Variants in CDH10 observed in about 807,000 individuals in gnomAD.
The protein encoded by CDH10 is cadherin 10.
In CDH10, 30 loss-of-function variants were observed where a neutral mutation model predicts 73.1. The observed-to-expected ratio is 0.41, with a 90% CI of 0.31 to 0.56. CDH10 has a LOEUF of 0.56. Ranked by LOEUF, CDH10 falls within the 20% of genes least tolerant of loss-of-function variation. The pLI is 0.27. For synonymous variants in CDH10, 345 were observed against 348.2 expected (o/e 0.99, Z 0.10); for missense variants, 815 against 973.7 (o/e 0.84, Z 2.17).
rs141037926 is a variant in CDH10, at chr5:24,544,425, C to A, written c.232-6751G>T. On this transcript the variant is annotated intron_variant, in intron 2 of 11. Coordinates refer to ENST00000264463, the MANE Select transcript of CDH10 (RefSeq NM_006727.5). ...AAGTACTTTTCTGAATAATTTCTTTCGGGGACCAGAGGCAAGTTTTGAAGA... is the reference window on the plus strand; with the variant it reads ...AAGTACTTTTCTGAATAATTTCTTTAGGGGACCAGAGGCAAGTTTTGAAGA... 3.4e-4 allele frequency among the ~76,000 whole-genome samples: 52 copies of A among 152,248 alleles called. 1 individual carries two copies. In the East Asian group the frequency reaches 9.7e-3, roughly 28 times the overall value.
intron 11 of CDH10, among the ~76,000 whole-genome samples, chr5:24,488,798 C>G (rs190654470): frequency 2.1e-5 from 3 of 140,362 alleles, no homozygotes; most frequent in South Asian, 2.5e-4. Flanking sequence ...GAGACCCCCC[C>G]CCCAAAAAAA....
intron 1 of CDH10, among the ~76,000 whole-genome samples, chr5:24,620,199 A>G (rs553152140): frequency 1.3e-5 from 2 of 152,330 alleles, no homozygotes; most frequent in South Asian, 4.1e-4. Context: ...TAAACACATC[A>G]ATAGTTTTTC....
intron 1 of CDH10, among the ~76,000 whole-genome samples, chr5:24,607,201 G>T (rs978027379): frequency 3.9e-5 from 6 of 152,052 alleles, no homozygotes; most frequent in African/African-American, 1.4e-4. Context: ...TCAGCACACG[G>T]GCTCATCAGA....
intron 1 of CDH10, among the ~76,000 whole-genome samples, chr5:24,640,992 C>T (rs1297913467): frequency 6.6e-6 from 1 of 151,902 alleles, no homozygotes; most frequent in Admixed American, 6.6e-5. Context: ...TATTTCAACT[C>T]ATCATTGTTA....
chr5:24,620,847 C>T (rs1747292762), intron 1 of CDH10, among the ~76,000 whole-genome samples: 1 of 152,070 alleles, frequency 6.6e-6, no homozygotes, highest in Admixed American at 6.6e-5. Context: ...TAAACAAATC[C>T]CATAAAGCAG....
chr5:24,523,207 A>C (rs929490215), intron 5 of CDH10, among the ~76,000 whole-genome samples: 1 of 152,138 alleles, frequency 6.6e-6, no homozygotes, highest in African/African-American at 2.4e-5. Context: ...GTATAAACAT[A>C]TCTCAACAAA....
At position 24,644,344 on chromosome 5, in the gene CDH10, C is replaced by T. The variant is rs76400535; in HGVS notation, c.-124+250G>A. ...AATTCACAAACTCTAATATCATGACCCACTGTTGAGCATAATATATAATTT... is the reference window on the plus strand; with the variant it reads ...AATTCACAAACTCTAATATCATGACTCACTGTTGAGCATAATATATAATTT... On this transcript the variant is annotated intron_variant, in intron 1 of 11. Transcript: ENST00000264463. Among the ~76,000 whole-genome samples, 1,338 of 152,096 alleles carry T rather than the reference C, an allele frequency of 8.8e-3. 23 individuals are homozygous for T. Among genetic ancestry groups the T allele is most frequent in the African/African-American group, 0.031 (1,267 of 41,476 alleles).
At chr5:24,602,610 C>T (rs1746605966) in intron 1 of CDH10, among the ~76,000 whole-genome samples, 1 of 152,060 alleles carries the variant, frequency 6.6e-6, no homozygotes, top group Admixed American at 6.6e-5. Context: ...TGTATTATTG[C>T]ATTGCATTGC....
rs958253529 is a variant in CDH10, at chr5:24,571,932, C to T, written c.231+21328G>A. On this transcript the variant is annotated intron_variant, in intron 2 of 11. Transcript: ENST00000264463. ...ATGAGCCAGCTCCAGCACACCACACCATTGCTATGTATGTTTTACAAATGA... is the reference window on the plus strand; with the variant it reads ...ATGAGCCAGCTCCAGCACACCACACTATTGCTATGTATGTTTTACAAATGA... Among the ~76,000 whole-genome samples, 4 of 151,628 alleles carry T rather than the reference C, an allele frequency of 2.6e-5. No homozygotes were observed. The East Asian group carries it at 7.8e-4, about 29-fold the overall frequency.
In CDH10 at chr5:24,487,526, T is replaced by C. The variant is rs750870333; in HGVS notation, c.*137A>G. The stretch of plus-strand genomic sequence containing the variant: ...TACAGGAAAGAATTAATGTAATTAA[T>C]GAACAAATTAAGAAGTAAATGAGAA... On this transcript the variant is annotated 3_prime_UTR_variant, in exon 12 of 12. Coordinates refer to ENST00000264463, the MANE Select transcript of CDH10 (RefSeq NM_006727.5). 1 of 748,078 alleles carries C rather than the reference T, an allele frequency of 1.3e-6. No homozygotes were observed. The highest frequency in any genetic ancestry group is 2.3e-6 in the Non-Finnish European group (1 of 444,268). 46.3% of individuals were successfully genotyped at this position (748,078 alleles called of 1,614,324 possible).
chr5:24,616,509 T>C (rs1032886332), intron 1 of CDH10, among the ~76,000 whole-genome samples: 5 of 151,942 alleles, frequency 3.3e-5, no homozygotes, highest in Admixed American at 6.6e-5. Flanking sequence ...TTGATAAATG[T>C]GAATAAAGCT....
In CDH10 at chr5:24,544,425, C is replaced by T. The variant is rs141037926; in HGVS notation, c.232-6751G>A. Among the ~76,000 whole-genome samples, 20 of 152,248 alleles carry T rather than the reference C, an allele frequency of 1.3e-4. No homozygotes were observed. The South Asian group carries it at 1.7e-3, about 13-fold the overall frequency. ...AAGTACTTTTCTGAATAATTTCTTTCGGGGACCAGAGGCAAGTTTTGAAGA... is the reference window on the plus strand; with the variant it reads ...AAGTACTTTTCTGAATAATTTCTTTTGGGGACCAGAGGCAAGTTTTGAAGA... On this transcript the variant is annotated intron_variant, in intron 2 of 11. Coordinates refer to ENST00000264463, the MANE Select transcript of CDH10 (RefSeq NM_006727.5).
At chr5:24,589,404 T>C (rs1746128420) in intron 2 of CDH10, among the ~76,000 whole-genome samples, 2 of 152,010 alleles carry the variant, frequency 1.3e-5, no homozygotes, top group South Asian at 4.1e-4. Flanking sequence ...CATGAAGAAA[T>C]AAAATTAGTA....
chr5:24,538,193 A>G (rs898195566), intron 2 of CDH10, among the ~76,000 whole-genome samples: 1 of 152,070 alleles, frequency 6.6e-6, no homozygotes, highest in African/African-American at 2.4e-5. Context: ...AACATACATT[A>G]TTTTTTGGTT....
intron 2 of CDH10, among the ~76,000 whole-genome samples, chr5:24,567,008 A>G (rs754001204): frequency 6.6e-6 from 1 of 152,126 alleles, no homozygotes; most frequent in Admixed American, 6.5e-5. Context: ...CAACTGCCCA[A>G]TAAAATATTT....
At chr5:24,639,205 G>A (rs757638908) in intron 1 of CDH10, among the ~76,000 whole-genome samples, 4 of 151,602 alleles carry the variant, frequency 2.6e-5, no homozygotes, top group African/African-American at 4.8e-5. Flanking sequence ...TTTGAAGTTC[G>A]CTTCAGTAAT....
At chr5:24,537,788 T>C in intron 2 of CDH10, 114 bp from the exon 3 acceptor site, 1 of 629,412 alleles carries the variant, frequency 1.6e-6, no homozygotes. Context: ...TCGGCTATCC[T>C]ACTTCTTGAA....
intron 5 of CDH10, 36 bp from the exon 6 acceptor site, chr5:24,511,550 A>C (rs1206226978): frequency 6.5e-6 from 1 of 154,364 alleles, no homozygotes; most frequent in Non-Finnish European, 9.9e-6. Flanking sequence ...AGAGACAGAG[A>C]GAGAGAGAGA....
chr5:24,580,399 C>G (rs1745755681), intron 2 of CDH10, among the ~76,000 whole-genome samples: 1 of 151,994 alleles, frequency 6.6e-6, no homozygotes, highest in African/African-American at 2.4e-5. Flanking sequence ...GTTTTCCATT[C>G]TCTTAAATAA....
Sources: gnomAD v4.1 joint callset for allele counts (sites outside exome capture counted in the v4.1 genomes callset) on GRCh38, gnomAD v4.1.1 for gene constraint, MANE v1.5 for transcripts, NCBI Gene and HGNC (gene_info 2026-07-23, HGNC 2026-07-21) for gene names.